Variants in SHANK2 observed in about 807,000 individuals in gnomAD.
SHANK2 encodes the protein SH3 and multiple ankyrin repeat domains protein 2.
A neutral mutation model predicts 133.7 loss-of-function variants in SHANK2; 43 were observed. The ratio of observed to expected loss-of-function variants is 0.32; its 90% confidence interval spans 0.25 to 0.41. The LOEUF is 0.41. Ranked by LOEUF, SHANK2 falls within the 10% of genes least tolerant of loss-of-function variation. The pLI, the probability that SHANK2 is intolerant of heterozygous loss-of-function variation, is 1.00. For missense variants in SHANK2, 1,994 were observed against 2,235.8 expected (o/e 0.89, Z 2.18); for synonymous variants, 1,017 against 952.8 (o/e 1.07, Z -1.24).
At chr11:71,111,175 C>T (rs1555099156) in intron 5 of SHANK2, among the ~76,000 whole-genome samples, 1 of 152,222 alleles carries the variant, frequency 6.6e-6, no homozygotes. Flanking sequence ...TTGCTGAGAG[C>T]TATGAATGCT....
intron 25 of SHANK2, among the ~76,000 whole-genome samples, chr11:70,475,959 C>T (rs918246495): frequency 3.0e-4 from 45 of 152,212 alleles, no homozygotes; most frequent in African/African-American, 9.2e-4. Context: ...CGGTGGCTCA[C>T]GCCTGTAATC....
rs375541963 is a variant in SHANK2 at position 70,710,850 on chromosome 11, G to A, written c.1778-12087C>T. On this transcript the variant is annotated intron_variant, in intron 14 of 25. Coordinates refer to ENST00000601538, the MANE Select transcript of SHANK2 (RefSeq NM_012309.5). ...TGACTTTGGACTCACAGAGCCTCGG[G>A]GTCGGGGGTGTGAGCAGACACGCCT... Among the ~76,000 whole-genome samples, 26 of 152,232 alleles carry A rather than the reference G, an allele frequency of 1.7e-4. 1 individual carries two copies. Among genetic ancestry groups the A allele is most frequent in the South Asian group, 1.4e-3 (7 of 4,830 alleles).
At chr11:71,218,876 C>T (rs1347911977) in intron 2 of SHANK2, among the ~76,000 whole-genome samples, 2 of 152,218 alleles carry the variant, frequency 1.3e-5, no homozygotes, top group Non-Finnish European at 2.9e-5. Flanking sequence ...GGAGACTGTG[C>T]CTGAATGCCT....
intron 15 of SHANK2, among the ~76,000 whole-genome samples, chr11:70,662,805 A>G (rs1944594561): frequency 6.6e-6 from 1 of 152,020 alleles, no homozygotes; most frequent in Non-Finnish European, 1.5e-5. Context: ...CGAGGCACCC[A>G]GAGTGTGTGG....
intron 9 of SHANK2, among the ~76,000 whole-genome samples, chr11:71,074,283 G>A (rs1226394591): frequency 6.6e-6 from 1 of 152,190 alleles, no homozygotes; most frequent in African/African-American, 2.4e-5. Context: ...TGGACTTAGA[G>A]ACCCGGAGAA....
intron 17 of SHANK2, among the ~76,000 whole-genome samples, chr11:70,558,344 C>T (rs1041839167): frequency 2.6e-5 from 4 of 152,324 alleles, no homozygotes; most frequent in East Asian, 1.9e-4. Context: ...AGGGAGCAGC[C>T]GGCTTCCCCC....
intron 10 of SHANK2, among the ~76,000 whole-genome samples, chr11:70,941,888 C>T (rs1319395235): frequency 1.3e-5 from 2 of 151,410 alleles, no homozygotes; most frequent in Non-Finnish European, 2.9e-5. Context: ...ATACTGGAGA[C>T]TGGGTCATTT....
chr11:71,072,453 C>T (rs991823181), intron 9 of SHANK2, among the ~76,000 whole-genome samples: 18 of 152,346 alleles, frequency 1.2e-4, no homozygotes, highest in Admixed American at 8.5e-4. Flanking sequence ...ACATTCACGT[C>T]CTGCTCTCCT....
chr11:70,752,371 T>G (rs983471043), intron 14 of SHANK2, among the ~76,000 whole-genome samples: 2 of 152,136 alleles, frequency 1.3e-5, no homozygotes, highest in Non-Finnish European at 2.9e-5. Flanking sequence ...CAAAGTAGTC[T>G]CAAGTGCAAG....
At chr11:70,548,468 G>T (rs185272690) in intron 17 of SHANK2, among the ~76,000 whole-genome samples, 1 of 152,154 alleles carries the variant, frequency 6.6e-6, no homozygotes, top group African/African-American at 2.4e-5. Context: ...GCTGGGCTCC[G>T]TTCTCAGGGC....
At chr11:70,729,748 TG>T (rs1348089067) in intron 14 of SHANK2, among the ~76,000 whole-genome samples, 4 of 151,526 alleles carry the variant, frequency 2.6e-5, no homozygotes, top group Non-Finnish European at 5.9e-5. Flanking sequence ...TTAGCCAGGA[TG>T]GTCTCGATCT....
intron 15 of SHANK2, among the ~76,000 whole-genome samples, chr11:70,666,611 G>A (rs1028259336): frequency 2.0e-5 from 3 of 152,140 alleles, no homozygotes; most frequent in Non-Finnish European, 2.9e-5. Flanking sequence ...AGCCTGCCCT[G>A]CCCCTGCACC....
intron 8 of SHANK2, among the ~76,000 whole-genome samples, chr11:71,086,468 AAT>A (rs1951420470): frequency 7.2e-6 from 1 of 138,104 alleles, no homozygotes; most frequent in Non-Finnish European, 1.5e-5. Flanking sequence ...ATAATTATGT[AAT>A]ATATAATTTG....
intron 10 of SHANK2, among the ~76,000 whole-genome samples, chr11:70,931,342 G>C (rs1373706874): frequency 6.6e-6 from 1 of 152,174 alleles, no homozygotes; most frequent in Non-Finnish European, 1.5e-5. Flanking sequence ...CACGTTAGAC[G>C]GGTAAATTGT....
intron 2 of SHANK2, among the ~76,000 whole-genome samples, chr11:71,209,980 G>A (rs111307595): frequency 1.3e-3 from 200 of 151,904 alleles, no homozygotes; most frequent in African/African-American, 4.2e-3. Flanking sequence ...GACACAGGAC[G>A]TGGGTTGTGT....
chr11:70,518,436 A>G (rs1554970459), intron 17 of SHANK2, among the ~76,000 whole-genome samples: 2 of 152,242 alleles, frequency 1.3e-5, no homozygotes, highest in African/African-American at 4.8e-5. Context: ...ATCATGAGGC[A>G]CCGCGTCATG....
At chr11:70,687,999 C>T (rs1945193526) in intron 15 of SHANK2, among the ~76,000 whole-genome samples, 1 of 152,258 alleles carries the variant, frequency 6.6e-6, no homozygotes, top group African/African-American at 2.4e-5. Flanking sequence ...ACTCAGCTCC[C>T]AGCCCCAAAG....
intron 17 of SHANK2, among the ~76,000 whole-genome samples, chr11:70,636,609 GTA>G (rs1393448955): frequency 1.3e-5 from 2 of 151,866 alleles, no homozygotes; most frequent in Non-Finnish European, 2.9e-5. Flanking sequence ...ATGAGTGTGT[GTA>G]TGCGAGCATG....
intron 17 of SHANK2, among the ~76,000 whole-genome samples, chr11:70,573,888 C>T (rs1554983691): frequency 6.6e-6 from 1 of 152,238 alleles, no homozygotes; most frequent in African/African-American, 2.4e-5. Flanking sequence ...CCGCTGGGGG[C>T]CCTGAAAGGC....
Sources: allele counts gnomAD v4.1 joint callset (sites outside exome capture counted in the v4.1 genomes callset), GRCh38; gene constraint gnomAD v4.1.1; transcripts MANE v1.5; gene names NCBI Gene and HGNC (gene_info 2026-07-23, HGNC 2026-07-21).